IVNS1ABP: variants seen among roughly 807,000 people sequenced by gnomAD.
IVNS1ABP encodes influenza virus NS1A binding protein, also known as influenza virus NS1A-binding protein.
IVNS1ABP carries 25 observed loss-of-function variants against 78.9 expected under a neutral mutation model. The observed-to-expected ratio is 0.32, with a 90% CI of 0.23 to 0.44. The LOEUF (loss-of-function observed/expected upper bound fraction) is 0.44. Ranked by LOEUF, IVNS1ABP falls within the 20% of genes least tolerant of loss-of-function variation. The pLI is 1.00. For synonymous variants in IVNS1ABP, 241 were observed against 259.7 expected, an observed-to-expected ratio of 0.93 and a Z score of 0.69; for missense variants, 494 against 768.9, an observed-to-expected ratio of 0.64 and a Z score of 4.23.
rs35365424 is a variant in IVNS1ABP, at chr1:185,311,525, T to TA, written c.-246-204dup. Among the ~76,000 whole-genome samples the TA allele has an allele frequency of 5.2e-3, 700 of 134,128 alleles. 2 individuals carry two copies. The highest frequency in any genetic ancestry group is 0.014 in the African/African-American group (520 of 36,434). 88.0% of individuals were successfully genotyped at this position (134,128 alleles called of 152,430 possible). On this transcript the variant is annotated intron_variant, in intron 1 of 14. Transcript: ENST00000367498. ...TTTAACTTGCAACAACCCAAGTGATTAAAAAAAAAAAAAAAAGTCCTTTCC... is the reference window on the plus strand; with the variant it reads ...TTTAACTTGCAACAACCCAAGTGATTAAAAAAAAAAAAAAAAAGTCCTTTCC...
At chr1:185,304,676 A>G (rs1665690720) in intron 8 of IVNS1ABP, among the ~76,000 whole-genome samples, 1 of 152,170 alleles carries the variant, frequency 6.6e-6, no homozygotes, top group African/African-American at 2.4e-5. Flanking sequence ...TAGCCAAACT[A>G]ATTTAATGTG....
Position 185,298,042 on chromosome 1 carries a change from T to G in IVNS1ABP, c.1922A>C (p.Gln641Pro). The change falls in exon 15 of 15, where the codon CAG becomes CCG. Residue 641 changes from glutamine (Q) to proline (P), a missense_variant. Gln to Pro is a moderately conservative substitution (Grantham distance 76). Coordinates refer to ENST00000367498, the MANE Select transcript of IVNS1ABP (RefSeq NM_006469.5). The surrounding 1 kb of genome is among the most constrained non-coding windows in gnomAD (Gnocchi z 4.1). ...NEWSPYTKIF[Q>P]F The stretch of plus-strand genomic sequence containing the variant: ...GAGAGGGTCTTAAATTTGTTAAAAC[T>G]GGAAAATCTTTGTATAGGGGCTCCA... 6.2e-7 allele frequency: 1 copy of G among 1,613,044 alleles called. No homozygotes were observed. The highest frequency in any genetic ancestry group is 8.5e-7 in the Non-Finnish European group (1 of 1,179,474).
intron 2 of IVNS1ABP, 70 bp from the exon 3 acceptor site, chr1:185,309,581 G>C: frequency 2.6e-6 from 2 of 765,278 alleles, no homozygotes; most frequent in South Asian, 3.1e-5. Context: ...ATGCTAAAGA[G>C]TAATACAGTC....
At chr1:185,307,754 C>A in intron 5 of IVNS1ABP, 92 bp from the exon 6 acceptor site, 1 of 1,344,800 alleles carries the variant, frequency 7.4e-7, no homozygotes, top group Admixed American at 2.4e-5. Context: ...TGTGAAGATA[C>A]AAAGAATCAA....
Position 185,300,446 on chromosome 1 carries a change from A to C in IVNS1ABP, c.1233T>G (p.Ala411=). The C allele has an allele frequency of 6.2e-7, 1 of 1,613,700 alleles. No homozygotes were observed. The highest frequency in any genetic ancestry group is 8.5e-7 in the Non-Finnish European group (1 of 1,179,742). ...MRTPRARFQM[A]VLMGQLYVVG... is the part of the protein sequence containing the mutation. ...AACATAATGCGCTTACCATGAGTACAGCCATTTGAAATCGGGCTCTTGGTG... is the reference window on the plus strand; with the variant it reads ...AACATAATGCGCTTACCATGAGTACCGCCATTTGAAATCGGGCTCTTGGTG... The change falls in exon 11 of 15, where the codon GCT becomes GCG. Residue 411 remains alanine (A), a synonymous_variant. Transcript: ENST00000367498.
At position 185,305,919 on chromosome 1, in the gene IVNS1ABP, T is replaced by C. The variant is rs961746435; in HGVS notation, c.658-276A>G. The C allele has an allele frequency of 1.6e-5, 6 of 377,790 alleles. No individual in the cohort carries two copies. The highest frequency in any genetic ancestry group is 1.0e-4 in the African/African-American group (5 of 48,576). 23.4% of individuals were successfully genotyped at this position (377,790 alleles called of 1,614,324 possible). A position where few individuals can be genotyped will look rare whatever the true frequency, so the allele number is the denominator to read the frequency against. ...TTGAAAGAAATCTTCATTTTTTTCATAGCTTCTATCATATAACAGTAAGAA... is the reference window on the plus strand; with the variant it reads ...TTGAAAGAAATCTTCATTTTTTTCACAGCTTCTATCATATAACAGTAAGAA... On this transcript the variant is annotated intron_variant, in intron 7 of 14. Transcript: ENST00000367498. This position sits in a 1 kb window ranked among gnomAD's most constrained non-coding sequence, Gnocchi z 4.0.
chr1:185,300,406 AG>A (rs1348689200), intron 11 of IVNS1ABP, 30 bp downstream of exon 11: 1 of 1,613,516 alleles, frequency 6.2e-7, no homozygotes, highest in South Asian at 1.1e-5. Flanking sequence ...AAAGCTAAAT[AG>A]GGGTTGCTCC....
intron 8 of IVNS1ABP, among the ~76,000 whole-genome samples, chr1:185,302,743 A>T (rs1665634820): frequency 6.6e-6 from 1 of 152,122 alleles, no homozygotes; most frequent in African/African-American, 2.4e-5. Context: ...GTACCTAGGT[A>T]TTACTAGGTA....
chr1:185,301,403 GA>G, intron 9 of IVNS1ABP, 30 bp downstream of exon 9: 1 of 1,610,690 alleles, frequency 6.2e-7, no homozygotes, highest in South Asian at 1.1e-5. Flanking sequence ...TAGGTAAGCT[GA>G]AAACAATCTG....
chr1:185,304,420 T>G (rs903274107), intron 8 of IVNS1ABP, among the ~76,000 whole-genome samples: 1 of 152,090 alleles, frequency 6.6e-6, no homozygotes, highest in Non-Finnish European at 1.5e-5. Context: ...TAATTCAAAT[T>G]CCAAAACTTT....
chr1:185,299,395 G>A (rs1665506835), intron 14 of IVNS1ABP: 1 of 339,650 alleles, frequency 2.9e-6, no homozygotes, highest in Non-Finnish European at 5.5e-6. Context: ...TTTAAATTCT[G>A]GCTGTAAAGA....
intron 8 of IVNS1ABP, among the ~76,000 whole-genome samples, chr1:185,304,020 A>G (rs560910620): frequency 4.6e-5 from 7 of 152,184 alleles, no homozygotes; most frequent in African/African-American, 1.7e-4. Flanking sequence ...TGCAATTCCA[A>G]GAGTATCATC....
intron 5 of IVNS1ABP, 143 bp from the exon 6 acceptor site, chr1:185,307,805 A>G: frequency 8.4e-7 from 1 of 1,190,120 alleles, no homozygotes; most frequent in East Asian, 2.6e-5. Flanking sequence ...TAGTGGTAAT[A>G]ACACGTATAC....
intron 12 of IVNS1ABP, 39 bp downstream of exon 12, chr1:185,300,178 A>C: frequency 6.2e-7 from 1 of 1,604,872 alleles, no homozygotes; most frequent in South Asian, 1.1e-5. Context: ...TAATTATCAT[A>C]TTTAAATACT....
chr1:185,298,007 C>G lies in IVNS1ABP; in HGVS notation c.*28G>C, dbSNP rs765048611. On this transcript the variant is annotated 3_prime_UTR_variant, in exon 15 of 15. Transcript: ENST00000367498. This position sits in a 1 kb window ranked among gnomAD's most constrained non-coding sequence, Gnocchi z 4.1. ...ACTAACCATAATTACATCACTAAGC[C>G]TGTTAGTTTGAGAGGGTCTTAAATT... 3 of 1,606,176 alleles carry G rather than the reference C, an allele frequency of 1.9e-6. No homozygotes were observed. Among genetic ancestry groups the G allele is most frequent in the Non-Finnish European group, 2.6e-6 (3 of 1,174,932 alleles).
At chr1:185,316,360 A>G (rs1004439587) in intron 1 of IVNS1ABP, among the ~76,000 whole-genome samples, 2 of 152,102 alleles carry the variant, frequency 1.3e-5, no homozygotes, top group African/African-American at 4.8e-5. Flanking sequence ...GCTTGGCAAG[A>G]AAAGCGGGCA....
chr1:185,300,954 G>C lies in IVNS1ABP; in HGVS notation c.1120+18C>G, dbSNP rs1665579179. The C allele has an allele frequency of 1.2e-6, 2 of 1,601,188 alleles. No individual in the cohort carries two copies. Among genetic ancestry groups the C allele is most frequent in the Non-Finnish European group, 1.7e-6 (2 of 1,169,608 alleles). Reference sequence around the variant, plus strand: ...TGCCCATCTACATGCTTAGCCAGTTGAATGCTTCTGTTCTTACCTGCAGCT... The same window carrying C: ...TGCCCATCTACATGCTTAGCCAGTTCAATGCTTCTGTTCTTACCTGCAGCT... On this transcript the variant is annotated intron_variant, in intron 10 of 14. Coordinates refer to ENST00000367498, the MANE Select transcript of IVNS1ABP (RefSeq NM_006469.5).
intron 5 of IVNS1ABP, chr1:185,308,106 A>G (rs1182888275): frequency 4.1e-6 from 6 of 1,456,074 alleles, no homozygotes; most frequent in Non-Finnish European, 5.6e-6. Context: ...TCTAGAAACT[A>G]AATGCAGGGA....
Position 185,298,484 on chromosome 1 carries a change from A to G in IVNS1ABP, c.1676-196T>C, listed in dbSNP as rs1665482268. The G allele has an allele frequency of 1.7e-6, 1 of 584,204 alleles. No homozygotes were observed. The highest frequency in any genetic ancestry group is 2.9e-6 in the Non-Finnish European group (1 of 343,082). 36.2% of individuals were successfully genotyped at this position (584,204 alleles called of 1,614,324 possible). On this transcript the variant is annotated intron_variant, in intron 14 of 14. Coordinates refer to ENST00000367498, the MANE Select transcript of IVNS1ABP (RefSeq NM_006469.5). The surrounding 1 kb of genome is among the most constrained non-coding windows in gnomAD (Gnocchi z 4.1). ...TGGGAATCAAATCAATAAAAAAACCATTCCCACGTGGAACTTAGGCAACTT... is the reference window on the plus strand; with the variant it reads ...TGGGAATCAAATCAATAAAAAAACCGTTCCCACGTGGAACTTAGGCAACTT...
Sources: gnomAD v4.1 joint callset for allele counts (sites outside exome capture counted in the v4.1 genomes callset) on GRCh38, gnomAD v4.1.1 for gene constraint, Gnocchi (gnomAD v3.1) non-coding constraint, MANE v1.5 for transcripts, NCBI Gene and HGNC (gene_info 2026-07-23, HGNC 2026-07-21) for gene names.